CTNNA2: variants seen among roughly 807,000 people sequenced by gnomAD.
CTNNA2 encodes the protein catenin alpha-2.
A neutral mutation model predicts 101.0 loss-of-function variants in CTNNA2; 42 were observed. The ratio of observed to expected loss-of-function variants is 0.42; its 90% CI spans 0.32 to 0.54. CTNNA2 has a LOEUF of 0.54. Ranked by LOEUF, CTNNA2 falls within the 20% of genes least tolerant of loss-of-function variation. The pLI is 0.14. For synonymous variants in CTNNA2, 450 were observed against 456.4 expected (o/e 0.99, Z 0.18); for missense variants, 871 against 1,223.1 (o/e 0.71, Z 4.29).
intron 2 of CTNNA2, among the ~76,000 whole-genome samples, chr2:79,217,186 C>T (rs1205686311): frequency 6.6e-6 from 1 of 152,126 alleles, no homozygotes; most frequent in African/African-American, 2.4e-5. Flanking sequence ...TGAGATGTTC[C>T]TTGGGCTGGT....
chr2:79,718,466 C>A (rs1686254447), intron 2 of CTNNA2, among the ~76,000 whole-genome samples: 1 of 152,106 alleles, frequency 6.6e-6, no homozygotes, highest in Non-Finnish European at 1.5e-5. Context: ...TGATCTGCTC[C>A]CCACTTTATT....
At chr2:80,052,077 A>G (rs141391698) in intron 7 of CTNNA2, among the ~76,000 whole-genome samples, 1 of 152,304 alleles carries the variant, frequency 6.6e-6, no homozygotes, top group Non-Finnish European at 1.5e-5. Flanking sequence ...AAGGTATTCA[A>G]TTAGAATGTG....
At chr2:79,666,924 C>A (rs1228599877) in intron 2 of CTNNA2, among the ~76,000 whole-genome samples, 1 of 152,172 alleles carries the variant, frequency 6.6e-6, no homozygotes. Context: ...CTTACAGAAA[C>A]CTCCAGAGAT....
intron 18 of CTNNA2, among the ~76,000 whole-genome samples, chr2:80,643,235 G>A (rs772902190): frequency 1.3e-4 from 20 of 152,236 alleles, no homozygotes; most frequent in Middle Eastern, 6.8e-3. Context: ...GGATGGCTCT[G>A]GGAAATAGCA....
intron 7 of CTNNA2, among the ~76,000 whole-genome samples, chr2:80,228,204 G>A (rs1055251425): frequency 2.0e-5 from 3 of 152,170 alleles, no homozygotes; most frequent in Non-Finnish European, 2.9e-5. Context: ...AAATATCTTT[G>A]ACCAGGCGAT....
At chr2:79,855,876 G>C (rs1375456674) in intron 3 of CTNNA2, among the ~76,000 whole-genome samples, 1 of 152,160 alleles carries the variant, frequency 6.6e-6, no homozygotes, top group Non-Finnish European at 1.5e-5. Context: ...GATTTACCTT[G>C]GTGTATAATG....
In CTNNA2 at chr2:79,268,741, G is replaced by A. The variant is rs570563402; in HGVS notation, c.-405-43968G>A. Among the ~76,000 whole-genome samples, 9 of 152,208 alleles carry A rather than the reference G, an allele frequency of 5.9e-5. No individual in the cohort carries two copies. The South Asian group carries it at 1.2e-3, about 21-fold the overall frequency. On this transcript the variant is annotated intron_variant, in intron 2 of 21. Coordinates refer to the CTNNA2 transcript ENST00000466387. The stretch of plus-strand genomic sequence containing the variant: ...CTACAGAACTGATTGCGTGGGTGGT[G>A]TGTGGGGAAAAAACCCACACATGTG...
intron 2 of CTNNA2, among the ~76,000 whole-genome samples, chr2:79,259,083 TG>T (rs950225574): frequency 1.1e-4 from 16 of 152,290 alleles, no homozygotes; most frequent in African/African-American, 3.6e-4. Flanking sequence ...GTTTAAGAAC[TG>T]GGGAAGAGTG....
intron 7 of CTNNA2, among the ~76,000 whole-genome samples, chr2:80,099,244 G>A (rs1468723525): frequency 6.6e-6 from 1 of 151,928 alleles, no homozygotes; most frequent in Non-Finnish European, 1.5e-5. Context: ...TTTTCTACCA[G>A]TTTTACCATT....
chr2:80,002,951 T>A (rs1335253383), intron 7 of CTNNA2, among the ~76,000 whole-genome samples: 1 of 152,180 alleles, frequency 6.6e-6, no homozygotes, highest in Non-Finnish European at 1.5e-5. Flanking sequence ...GGGATGCTTA[T>A]CCCCATGTGG....
rs771798385 is a variant in CTNNA2 at position 80,415,025 on chromosome 2, GTTT to G, written c.1138-4423_1138-4421del. ...AAGGATCTAAATAAGGGAAGGCAGA[GTTT>G]GTAGGAAAATAAAAAGTCTATTTCC... is the stretch of plus-strand genomic sequence containing the variant. On this transcript the variant is annotated intron_variant, in intron 8 of 18. Coordinates refer to ENST00000402739, the MANE Select transcript of CTNNA2 (RefSeq NM_001282597.3). Among the ~76,000 whole-genome samples, 16 of 152,266 alleles carry G rather than the reference GTTT, an allele frequency of 1.1e-4. No homozygotes were observed. In the South Asian group the frequency reaches 1.9e-3, roughly 18 times the overall value.
At chr2:80,480,322 A>T (rs1572994816) in intron 9 of CTNNA2, among the ~76,000 whole-genome samples, 1 of 152,212 alleles carries the variant, frequency 6.6e-6, no homozygotes, top group Admixed American at 6.5e-5. Context: ...ATAATTTTAA[A>T]ATTTATTATA....
At chr2:80,500,885 C>T (rs912992365) in intron 9 of CTNNA2, among the ~76,000 whole-genome samples, 1 of 151,812 alleles carries the variant, frequency 6.6e-6, no homozygotes, top group Non-Finnish European at 1.5e-5. Flanking sequence ...TATTATCTCT[C>T]CTCCAGAAGG....
At chr2:79,911,177 G>A (rs898512723) in intron 7 of CTNNA2, among the ~76,000 whole-genome samples, 24 of 152,214 alleles carry the variant, frequency 1.6e-4, no homozygotes, top group African/African-American at 4.6e-4. Flanking sequence ...TCCCAGCTGA[G>A]TGAATCTTTT....
chr2:79,967,911 A>T (rs569199502), intron 7 of CTNNA2, among the ~76,000 whole-genome samples: 21 of 152,364 alleles, frequency 1.4e-4, no homozygotes, highest in African/African-American at 4.6e-4. Context: ...TTCAATGTGG[A>T]TGAACTCAAG....
chr2:80,103,785 A>G (rs1401972987), intron 7 of CTNNA2, among the ~76,000 whole-genome samples: 1 of 152,156 alleles, frequency 6.6e-6, no homozygotes, highest in African/African-American at 2.4e-5. Context: ...CCCAGGCTGG[A>G]GTGCAGTGGC....
intron 7 of CTNNA2, among the ~76,000 whole-genome samples, chr2:79,995,028 A>G (rs780635690): frequency 1.3e-5 from 2 of 152,188 alleles, no homozygotes; most frequent in Non-Finnish European, 2.9e-5. Context: ...GCACCACAAT[A>G]TGGGGACAGC....
intron 9 of CTNNA2, among the ~76,000 whole-genome samples, chr2:80,436,010 A>T (rs1457722755): frequency 6.6e-6 from 1 of 152,172 alleles, no homozygotes; most frequent in Admixed American, 6.5e-5. Flanking sequence ...AAATGAAAAG[A>T]TAGTAAGAAT....
intron 7 of CTNNA2, among the ~76,000 whole-genome samples, chr2:79,953,821 A>G (rs1330916656): frequency 6.6e-6 from 1 of 152,100 alleles, no homozygotes; most frequent in African/African-American, 2.4e-5. Context: ...TTATTATTTC[A>G]TTTTTCATTT....
Sources: allele counts gnomAD v4.1 joint callset (sites outside exome capture counted in the v4.1 genomes callset), GRCh38; gene constraint gnomAD v4.1.1; transcripts MANE v1.5; gene names NCBI Gene and HGNC (gene_info 2026-07-23, HGNC 2026-07-21).